GCC2: variants seen among roughly 807,000 people sequenced by gnomAD.
GCC2 encodes the protein GRIP and coiled-coil domain containing 2, also known as GRIP and coiled-coil domain-containing protein 2.
GCC2 carries 120 observed loss-of-function variants against 210.6 expected under a neutral mutation model. The observed-to-expected ratio is 0.57, with a 90% confidence interval of 0.49 to 0.66. GCC2 has a LOEUF of 0.66. GCC2 is among the 30% of genes least tolerant of loss of function. The pLI, the probability that GCC2 is intolerant of heterozygous loss-of-function variation, is 0.00. For synonymous variants in GCC2, 703 were observed against 652.7 expected, an observed-to-expected ratio of 1.08 and a Z score of -1.17; for missense variants, 1,868 against 1,871.9, an observed-to-expected ratio of 1.00 and a Z score of 0.04.
intron 20 of GCC2, chr2:108,496,412 A>G (rs1471295466): frequency 6.3e-6 from 1 of 158,488 alleles, no homozygotes; most frequent in East Asian, 1.9e-4. Flanking sequence ...ACTGCAAGTC[A>G]TGGTTCCTTC....
At chr2:108,468,941 T>C in intron 4 of GCC2, 39 bp from the exon 5 acceptor site, 4 of 1,362,020 alleles carry the variant, frequency 2.9e-6, no homozygotes, top group South Asian at 1.2e-5. Context: ...CAATCCACCA[T>C]TTTTTAACCC....
chr2:108,486,558 C>G lies in GCC2; in HGVS notation c.3840C>G (p.His1280Gln). Residue 1280 changes from histidine (H) to glutamine (Q), a missense_variant, in exon 16 of 23, where the codon CAC becomes CAG. His to Gln is a conservative substitution (Grantham distance 24, BLOSUM62 0). Coordinates refer to ENST00000309863, the MANE Select transcript of GCC2 (RefSeq NM_181453.4). Reference protein sequence around the residue: ...ITSEKHKIHEHLKTSAEQHQR... With the variant: ...ITSEKHKIHEQLKTSAEQHQR... The stretch of plus-strand genomic sequence containing the variant: ...CAGAGAAGCACAAAATCCACGAGCA[C>G]CTGAAAACCTCTGCGGAACAGCACC... 2 of 1,614,124 alleles carry G rather than the reference C, an allele frequency of 1.2e-6. No individual in the cohort carries two copies. Among genetic ancestry groups the G allele is most frequent in the Non-Finnish European group, 1.7e-6 (2 of 1,179,996 alleles).
chr2:108,451,737 C>G (rs1042375208), intron 3 of GCC2, among the ~76,000 whole-genome samples: 1 of 151,858 alleles, frequency 6.6e-6, no homozygotes, highest in African/African-American at 2.4e-5. Flanking sequence ...TTTGGATCAC[C>G]TTGCAATGAA....
At chr2:108,489,710 T>C (rs959249164) in intron 17 of GCC2, 128 bp from the exon 18 acceptor site, 2 of 530,474 alleles carry the variant, frequency 3.8e-6, no homozygotes, top group Non-Finnish European at 6.6e-6. Context: ...TGAATTCTTC[T>C]ATTATATTTC....
intron 7 of GCC2, 98 bp from the exon 8 acceptor site, chr2:108,475,437 A>G (rs954844885): frequency 5.6e-6 from 3 of 538,212 alleles, no homozygotes; most frequent in Admixed American, 3.7e-5. Flanking sequence ...TCAAATTACC[A>G]ATTTTGTGCT....
intron 17 of GCC2, among the ~76,000 whole-genome samples, chr2:108,489,354 AAAAAT>A (rs1201353675): frequency 3.3e-5 from 5 of 152,290 alleles, no homozygotes; most frequent in Middle Eastern, 3.4e-3. Flanking sequence ...TGTCTCTACT[AAAAAT>A]AAAAAATTAG....
At position 108,455,480 on chromosome 2, in the gene GCC2, T is replaced by G. The variant is rs569028956; in HGVS notation, c.216+3014T>G. ...TCTCCAAGTTAGCCAACTTTACCTT[T>G]AAGGTTTTTTTTCTTTTCCTTCTTT... On this transcript the variant is annotated intron_variant, in intron 4 of 22. Coordinates refer to ENST00000309863, the MANE Select transcript of GCC2 (RefSeq NM_181453.4). 1.6e-3 allele frequency among the ~76,000 whole-genome samples: 247 copies of G among 152,280 alleles called. No individual in the cohort carries two copies. The Middle Eastern group carries it at 0.031, about 19-fold the overall frequency.
At chr2:108,479,147 A>G (rs974902292) in intron 9 of GCC2, among the ~76,000 whole-genome samples, 1 of 151,900 alleles carries the variant, frequency 6.6e-6, no homozygotes, top group Non-Finnish European at 1.5e-5. Flanking sequence ...CTAGCGACAG[A>G]GCGAGACAAC....
intron 4 of GCC2, among the ~76,000 whole-genome samples, chr2:108,466,876 A>G (rs1417231273): frequency 6.6e-6 from 1 of 152,172 alleles, no homozygotes; most frequent in Non-Finnish European, 1.5e-5. Flanking sequence ...TTTTAATATC[A>G]ATAACTTTTT....
At chr2:108,454,166 A>G (rs900733703) in intron 4 of GCC2, among the ~76,000 whole-genome samples, 3 of 152,038 alleles carry the variant, frequency 2.0e-5, no homozygotes, top group African/African-American at 7.2e-5. Context: ...AATTTTTTGT[A>G]TTTTTAGTAG....
chr2:108,507,993 T>C lies in GCC2; in HGVS notation c.*363T>C, dbSNP rs1683289517. ...TTTTGGTACCATACCAACTGGAATTTAGGCTTTAAAAATAATGTTTCAAGG... is the reference window on the plus strand; with the variant it reads ...TTTTGGTACCATACCAACTGGAATTCAGGCTTTAAAAATAATGTTTCAAGG... On this transcript the variant is annotated 3_prime_UTR_variant, in exon 23 of 23. Transcript: ENST00000309863. 1 of 168,818 alleles carries C rather than the reference T, an allele frequency of 5.9e-6. No individual in the cohort carries two copies. Among genetic ancestry groups the C allele is most frequent in the African/African-American group, 2.4e-5 (1 of 41,200 alleles). The allele number at this position is 168,818 out of a possible 1,614,324, so 10.5% of individuals were successfully genotyped here.
At chr2:108,450,916 A>G in intron 2 of GCC2, 112 bp from the exon 3 acceptor site, 2 of 699,542 alleles carry the variant, frequency 2.9e-6, no homozygotes, top group Admixed American at 2.8e-5. Context: ...TGCGGTTGGC[A>G]TAAAGATTTA....
intron 9 of GCC2, among the ~76,000 whole-genome samples, chr2:108,478,042 A>G: frequency 6.6e-6 from 1 of 150,454 alleles, no homozygotes; most frequent in Non-Finnish European, 1.5e-5. Context: ...ACAAAGGAAA[A>G]GATTGATAGA....
At position 108,452,473 on chromosome 2, in the gene GCC2, A is replaced by C. The variant is rs1299168967; in HGVS notation, c.216+7A>C. 2 of 1,475,938 alleles carry C rather than the reference A, an allele frequency of 1.4e-6. No homozygotes were observed. The highest frequency in any genetic ancestry group is 2.3e-5 in the South Asian group (2 of 87,654). The allele number at this position is 1,475,938 out of a possible 1,614,324, so 91.4% of individuals were successfully genotyped here. A position where few individuals can be genotyped will look rare whatever the true frequency, so the allele number is the denominator to read the frequency against. Reference sequence around the variant, plus strand: ...AACTGGTGATATTATTAAGGTAATTATTACGTTGGGAAATGTCTAAAGAGA... The same window carrying C: ...AACTGGTGATATTATTAAGGTAATTCTTACGTTGGGAAATGTCTAAAGAGA... On this transcript the variant is annotated splice_region_variant and intron_variant, in intron 4 of 22. Coordinates refer to ENST00000309863, the MANE Select transcript of GCC2 (RefSeq NM_181453.4).
intron 16 of GCC2, 139 bp downstream of exon 16, chr2:108,486,787 T>C (rs1339048403): frequency 7.9e-6 from 5 of 632,486 alleles, no homozygotes; most frequent in Non-Finnish European, 1.2e-5. Context: ...GTTCAGTTAA[T>C]CTGGCTTTAA....
At position 108,472,806 on chromosome 2, in the gene GCC2, T is replaced by C. The variant is rs1475749553; in HGVS notation, c.2788-21T>C. 2.8e-6 allele frequency: 4 copies of C among 1,426,880 alleles called. No individual in the cohort carries two copies. In the Admixed American group the frequency reaches 7.4e-5, roughly 26 times the overall value. 88.4% of individuals were successfully genotyped at this position (1,426,880 alleles called of 1,614,324 possible). On this transcript the variant is annotated intron_variant, in intron 6 of 22. Transcript: ENST00000309863. ...TGGTTTTTGTTTTGTTTTGTGTTTT[T>C]TTTTCCCCTGTAAAATCTAGGATTC...
chr2:108,469,030 G>GC lies in GCC2; in HGVS notation c.268dup (p.Gln90ProfsTer18), dbSNP rs1431387786. The GC allele has an allele frequency of 6.2e-7, 1 of 1,613,058 alleles. No individual in the cohort carries two copies. The highest frequency in any genetic ancestry group is 8.5e-7 in the Non-Finnish European group (1 of 1,179,316). On this transcript the variant is annotated frameshift_variant, in exon 5 of 23. Transcript: ENST00000309863. LOFTEE classifies it high-confidence loss of function. Reference sequence around the variant, plus strand: ...TTCTTCTGGAAAAAGCAGAGACTGAGCAACAGTGTCTTTCTCTGAAAAAGG... The same window carrying GC: ...TTCTTCTGGAAAAAGCAGAGACTGAGCCAACAGTGTCTTTCTCTGAAAAAGG...
chr2:108,473,020 T>C, intron 7 of GCC2, 121 bp downstream of exon 7: 2 of 566,928 alleles, frequency 3.5e-6, no homozygotes, highest in Non-Finnish European at 6.0e-6. Context: ...CGTAGCTGTC[T>C]TTTCCTCGAG....
chr2:108,455,467 C>A, intron 4 of GCC2, among the ~76,000 whole-genome samples: 1 of 151,974 alleles, frequency 6.6e-6, no homozygotes, highest in Admixed American at 6.6e-5. Context: ...TCCAAGTTAG[C>A]CAACTTTACC....
Sources: allele counts gnomAD v4.1 joint callset (sites outside exome capture counted in the v4.1 genomes callset), GRCh38; gene constraint gnomAD v4.1.1; transcripts MANE v1.5; gene names NCBI Gene and HGNC (gene_info 2026-07-23, HGNC 2026-07-21).